The following GAN variants were observed in gnomAD, a reference collection of about 807,000 sequenced individuals.
GAN encodes the protein gigaxonin, also known as epididymis secretory sperm binding protein.
A neutral mutation model predicts 71.3 loss-of-function variants in GAN; 48 were observed. That is an observed-to-expected ratio of 0.67 (90% CI 0.53 to 0.86). The LOEUF (loss-of-function observed/expected upper bound fraction) is 0.86. Among genes scored for constraint, GAN ranks in the 40% least tolerant of loss-of-function variants. The pLI, the probability that GAN is intolerant of heterozygous loss-of-function variation, is 0.00. For missense variants in GAN, 928 were observed against 770.1 expected, an observed-to-expected ratio of 1.21 and a Z score of -2.43; for synonymous variants, 386 against 276.8, an observed-to-expected ratio of 1.39 and a Z score of -3.92.
chr16:81,334,314 T>G (rs1377166008), intron 1 of GAN, among the ~76,000 whole-genome samples: 5 of 152,174 alleles, frequency 3.3e-5, no homozygotes, highest in Non-Finnish European at 7.3e-5. Context: ...TCCTGGGAGT[T>G]GCTTCTGCAC....
chr16:81,322,680 T>G (rs1027635325), intron 1 of GAN, among the ~76,000 whole-genome samples: 1 of 152,236 alleles, frequency 6.6e-6, no homozygotes, highest in African/African-American at 2.4e-5. Flanking sequence ...GGTAACATAT[T>G]AATATGACTA....
At chr16:81,360,110 A>G (rs956241913) in intron 5 of GAN, among the ~76,000 whole-genome samples, 6 of 152,120 alleles carry the variant, frequency 3.9e-5, no homozygotes, top group South Asian at 2.1e-4. Flanking sequence ...TGATTGATAG[A>G]CAGGCAGGTA....
chr16:81,349,003 CCT>C (rs1910211766), intron 1 of GAN, among the ~76,000 whole-genome samples: 2 of 152,238 alleles, frequency 1.3e-5, no homozygotes, highest in African/African-American at 4.8e-5. Context: ...CTGGTGCTCC[CCT>C]GTCCAGAGAC....
chr16:81,374,382 T>C (rs994351878), intron 9 of GAN, among the ~76,000 whole-genome samples: 1 of 152,206 alleles, frequency 6.6e-6, no homozygotes, highest in Non-Finnish European at 1.5e-5. Flanking sequence ...AACGATTTTC[T>C]CCTGAAACTG....
At chr16:81,326,701 A>C (rs1358013848) in intron 1 of GAN, among the ~76,000 whole-genome samples, 1 of 152,236 alleles carries the variant, frequency 6.6e-6, no homozygotes. Context: ...AGACTATCTG[A>C]TGTAGTCTGT....
intron 9 of GAN, among the ~76,000 whole-genome samples, chr16:81,375,614 C>A (rs1458442840): frequency 6.6e-6 from 1 of 152,012 alleles, no homozygotes; most frequent in East Asian, 1.9e-4. Context: ...ACTTGAGCCA[C>A]CACACCTGGC....
At chr16:81,372,285 G>A (rs112690821) in intron 9 of GAN, among the ~76,000 whole-genome samples, 2,803 of 152,212 alleles carry the variant, frequency 0.018, 77 homozygotes, top group African/African-American at 0.064. Flanking sequence ...AATTAGTATC[G>A]TTTAATGATA....
chr16:81,338,381 G>C (rs781119740), intron 1 of GAN, among the ~76,000 whole-genome samples: 2 of 152,078 alleles, frequency 1.3e-5, no homozygotes, highest in African/African-American at 4.8e-5. Flanking sequence ...TGATTCATAG[G>C]CTCACTCAAG....
At chr16:81,332,173 A>AAG (rs1555509392) in intron 1 of GAN, among the ~76,000 whole-genome samples, 1 of 151,942 alleles carries the variant, frequency 6.6e-6, no homozygotes, top group African/African-American at 2.4e-5. Flanking sequence ...AAAAAAAAAA[A>AAG]AAAGAAAAAG....
At chr16:81,337,133 G>C (rs886713034) in intron 1 of GAN, among the ~76,000 whole-genome samples, 3 of 152,104 alleles carry the variant, frequency 2.0e-5, no homozygotes, top group Non-Finnish European at 4.4e-5. Flanking sequence ...AGACAAAAAA[G>C]CAGTTGGAGG....
intron 1 of GAN, among the ~76,000 whole-genome samples, chr16:81,329,724 T>C (rs7196981): frequency 0.35 from 53,111 of 152,080 alleles, 10,968 homozygotes; most frequent in East Asian, 0.72. Context: ...CCCATGTTCC[T>C]CACAGCCTGT....
At chr16:81,324,750 A>G (rs1327662918) in intron 1 of GAN, among the ~76,000 whole-genome samples, 1 of 152,184 alleles carries the variant, frequency 6.6e-6, no homozygotes, top group East Asian at 1.9e-4. Context: ...TTTAGGCTTT[A>G]TCTTACGGGC....
chr16:81,372,451 TA>T (rs1911066998), intron 9 of GAN, among the ~76,000 whole-genome samples: 1 of 152,228 alleles, frequency 6.6e-6, no homozygotes, highest in Non-Finnish European at 1.5e-5. Flanking sequence ...GGTGAGATGA[TA>T]AATGACATGT....
chr16:81,336,741 G>C (rs1909775949), intron 1 of GAN, among the ~76,000 whole-genome samples: 1 of 151,980 alleles, frequency 6.6e-6, no homozygotes, highest in African/African-American at 2.4e-5. Context: ...GCCTCCAAAA[G>C]TGTTGGGATT....
At chr16:81,372,039 T>C (rs1023035876) in intron 9 of GAN, 2 of 152,268 alleles carry the variant, frequency 1.3e-5, no homozygotes, top group Non-Finnish European at 2.9e-5. Context: ...TTCTCCTCAA[T>C]TGATTGCCCT....
chr16:81,334,818 C>G (rs1046394430), intron 1 of GAN, among the ~76,000 whole-genome samples: 1 of 152,320 alleles, frequency 6.6e-6, no homozygotes, highest in East Asian at 1.9e-4. Flanking sequence ...TGAGAATAGT[C>G]ACCAACATCG....
chr16:81,381,020 A>T lies in GAN; in HGVS notation c.*3424A>T, dbSNP rs907110100. On this transcript the variant is annotated 3_prime_UTR_variant, in exon 11 of 11. Coordinates refer to ENST00000648994, the MANE Select transcript of GAN (RefSeq NM_022041.4). ...GTTATATTGCACTACCACTTTAATGATGACACTTCCTTCATTGATGGCTTG... is the reference window on the plus strand; with the variant it reads ...GTTATATTGCACTACCACTTTAATGTTGACACTTCCTTCATTGATGGCTTG... 6.6e-6 allele frequency: 1 copy of T among 152,206 alleles called. No individual in the cohort carries two copies. 9.4% of individuals were successfully genotyped at this position (152,206 alleles called of 1,614,324 possible). A position where few individuals can be genotyped will look rare whatever the true frequency, so the allele number is the denominator to read the frequency against.
chr16:81,358,062 C>A (rs1910550889), intron 5 of GAN, 131 bp downstream of exon 5: 1 of 824,846 alleles, frequency 1.2e-6, no homozygotes, highest in South Asian at 1.4e-5. Flanking sequence ...TAGTGTAGTT[C>A]TAGCTTCTGA....
chr16:81,389,678 A>G lies in GAN; in HGVS notation c.*12082A>G, dbSNP rs1197244450. ...CCATCACGGGTATAGGTCTTCTGCC[A>G]TGAAAGAGAACTATCAAGGAAATTC... On this transcript the variant is annotated 3_prime_UTR_variant, in exon 11 of 11. Transcript: ENST00000648994. 1 of 152,240 alleles carries G rather than the reference A, an allele frequency of 6.6e-6. No homozygotes were observed. The highest frequency in any genetic ancestry group is 1.5e-5 in the Non-Finnish European group (1 of 68,050). The allele number at this position is 152,240 out of a possible 1,614,324, so 9.4% of individuals were successfully genotyped here. A position where few individuals can be genotyped will look rare whatever the true frequency, so the allele number is the denominator to read the frequency against.
Sources: allele counts gnomAD v4.1 joint callset (sites outside exome capture counted in the v4.1 genomes callset), GRCh38; gene constraint gnomAD v4.1.1; transcripts MANE v1.5; gene names NCBI Gene and HGNC (gene_info 2026-07-23, HGNC 2026-07-21).